PRDM2: variants seen among roughly 807,000 people sequenced by gnomAD.
The protein encoded by PRDM2 is PR/SET domain 2, also known as PR domain zinc finger protein 2.
Under a neutral mutation model 130.0 loss-of-function variants are expected in PRDM2, and 30 were observed. The ratio of observed to expected loss-of-function variants is 0.23; its 90% confidence interval spans 0.17 to 0.31. The LOEUF (loss-of-function observed/expected upper bound fraction) is 0.31. Ranked by LOEUF, PRDM2 falls within the 10% of genes least tolerant of loss-of-function variation. The probability of loss-of-function intolerance (pLI) is 1.00; values close to 1 mark genes in which losing one functional copy is unlikely to be tolerated. For synonymous variants in PRDM2, 871 were observed against 782.4 expected, an observed-to-expected ratio of 1.11 and a Z score of -1.89; for missense variants, 2,011 against 2,108.4, an observed-to-expected ratio of 0.95 and a Z score of 0.90.
chr1:13,732,736 A>G (rs1483607238), intron 3 of PRDM2, 43 bp from the exon 4 acceptor site: 1 of 1,378,100 alleles, frequency 7.3e-7, no homozygotes, highest in Non-Finnish European at 1.0e-6. Flanking sequence ...CAATCTTTAA[A>G]ATAACCATGA....
At chr1:13,755,110 G>A (rs1473499284) in intron 6 of PRDM2, among the ~76,000 whole-genome samples, 1 of 152,144 alleles carries the variant, frequency 6.6e-6, no homozygotes, top group East Asian at 1.9e-4. Flanking sequence ...TTCAACAGTA[G>A]GAGTTCGGGA....
intron 9 of PRDM2, among the ~76,000 whole-genome samples, chr1:13,818,927 G>C (rs1388138329): frequency 6.6e-6 from 1 of 152,082 alleles, no homozygotes. Context: ...GAGCTGGGAG[G>C]CCCTGGGAGA....
At chr1:13,703,919 C>T (rs771992662) in intron 1 of PRDM2, among the ~76,000 whole-genome samples, 1 of 152,180 alleles carries the variant, frequency 6.6e-6, no homozygotes, top group Non-Finnish European at 1.5e-5. Flanking sequence ...ATAAGGCTTA[C>T]TTTTGAAGTG....
intron 2 of PRDM2, among the ~76,000 whole-genome samples, chr1:13,730,539 G>A (rs916511227): frequency 5.9e-5 from 9 of 152,224 alleles, no homozygotes; most frequent in African/African-American, 2.2e-4. Flanking sequence ...AGGGCAACAT[G>A]GATGGGGCAG....
At chr1:13,809,697 C>T (rs532427893) in intron 8 of PRDM2, among the ~76,000 whole-genome samples, 9 of 152,182 alleles carry the variant, frequency 5.9e-5, no homozygotes, top group Non-Finnish European at 8.8e-5. Context: ...ACGGATGCAT[C>T]GCCTAGGGAG....
intron 8 of PRDM2, among the ~76,000 whole-genome samples, chr1:13,805,580 A>G (rs1161338183): frequency 2.0e-5 from 3 of 152,162 alleles, no homozygotes; most frequent in Non-Finnish European, 4.4e-5. Context: ...TATCAGCATC[A>G]TCACAGGCTT....
intron 6 of PRDM2, among the ~76,000 whole-genome samples, chr1:13,755,415 C>T (rs944998613): frequency 5.9e-5 from 9 of 152,068 alleles, no homozygotes; most frequent in Non-Finnish European, 1.2e-4. Context: ...TTTTGGTTCT[C>T]TTGTCCATAT....
chr1:13,742,104 C>G lies in PRDM2; in HGVS notation c.331C>G (p.Gln111Glu). ...YVNWACSGEE[Q>E]NLFPLEINRA... is the part of the protein sequence containing the mutation. ...GAATTGGGCTTGCTCAGGAGAAGAG[C>G]AAAATTTATTCCCACTGGAAATCAA... The change falls in exon 5 of 10, where the codon CAA becomes GAA. Residue 111 changes from glutamine to glutamate, a missense_variant. By Grantham distance (29) the Gln-to-Glu change is conservative. Transcript: ENST00000311066. The G allele has an allele frequency of 6.2e-7, 1 of 1,613,858 alleles. No individual in the cohort carries two copies. The highest frequency in any genetic ancestry group is 1.7e-5 in the Admixed American group (1 of 60,018).
Position 13,823,622 on chromosome 1 carries a change from T to G in PRDM2, c.*487T>G. 1 of 160,976 alleles carries G rather than the reference T, an allele frequency of 6.2e-6. No homozygotes were observed. The allele number at this position is 160,976 out of a possible 1,614,324, so 10.0% of individuals were successfully genotyped here. On this transcript the variant is annotated 3_prime_UTR_variant, in exon 10 of 10. Transcript: ENST00000311066. ...TCAGTACCACCCCTCTCTCCCCACC[T>G]TCCCTCTCCCGGCAACATCTCTGGG...
Position 13,749,498 on chromosome 1 carries a change from C to A in PRDM2, c.511+11C>A. On this transcript the variant is annotated intron_variant, in intron 6 of 9. Transcript: ENST00000311066. ...CCAAGAGCCGGAAAGGTAGGAGCCC[C>A]CCGGCCCGCCCGCCCGGCCCCGGCG... 1 of 1,352,514 alleles carries A rather than the reference C, an allele frequency of 7.4e-7. No individual in the cohort carries two copies. Among genetic ancestry groups the A allele is most frequent in the Non-Finnish European group, 9.7e-7 (1 of 1,028,646 alleles). 83.8% of individuals were successfully genotyped at this position (1,352,514 alleles called of 1,614,324 possible).
At chr1:13,762,972 G>T (rs1644137127) in intron 6 of PRDM2, among the ~76,000 whole-genome samples, 1 of 152,202 alleles carries the variant, frequency 6.6e-6, no homozygotes. Context: ...AACCTGTGCT[G>T]GAATAAAAGT....
intron 6 of PRDM2, among the ~76,000 whole-genome samples, chr1:13,768,074 GTTTT>G (rs774757778): frequency 2.5e-5 from 3 of 117,740 alleles, no homozygotes; most frequent in South Asian, 3.0e-4. Flanking sequence ...TTGTCCTTGA[GTTTT>G]TTTTTTTTTT....
intron 1 of PRDM2, among the ~76,000 whole-genome samples, chr1:13,713,635 G>A (rs537701995): frequency 4.7e-4 from 71 of 152,188 alleles, no homozygotes; most frequent in Non-Finnish European, 7.8e-4. Context: ...TACCGCAGAT[G>A]TTTTTTGTTC....
intron 7 of PRDM2, among the ~76,000 whole-genome samples, chr1:13,775,243 A>G (rs1644449945): frequency 6.6e-6 from 1 of 152,228 alleles, no homozygotes; most frequent in Non-Finnish European, 1.5e-5. Flanking sequence ...TACTTTGGAC[A>G]GTTTTATATC....
intron 6 of PRDM2, chr1:13,769,284 G>GT (rs1644303622): frequency 5.2e-6 from 3 of 575,150 alleles, no homozygotes; most frequent in Admixed American, 6.4e-5. Flanking sequence ...TATGGGTTTG[G>GT]TTTTTTCTTT....
At chr1:13,763,806 C>T (rs1644160517) in intron 6 of PRDM2, among the ~76,000 whole-genome samples, 1 of 152,106 alleles carries the variant, frequency 6.6e-6, no homozygotes, top group South Asian at 2.1e-4. Flanking sequence ...ATATCATACC[C>T]TTATCAATAC....
intron 8 of PRDM2, among the ~76,000 whole-genome samples, chr1:13,804,137 G>A (rs911764898): frequency 3.9e-5 from 6 of 152,148 alleles, no homozygotes; most frequent in African/African-American, 1.4e-4. Context: ...CAGCCCATCT[G>A]CTGGGACTAA....
intron 8 of PRDM2, among the ~76,000 whole-genome samples, chr1:13,795,255 G>A (rs867646676): frequency 1.2e-4 from 19 of 152,130 alleles, no homozygotes; most frequent in Admixed American, 1.1e-3. Context: ...TGCTGGCCAC[G>A]ATGTAAATAA....
intron 8 of PRDM2, among the ~76,000 whole-genome samples, chr1:13,812,941 C>T (rs924312551): frequency 3.3e-5 from 5 of 152,102 alleles, no homozygotes; most frequent in African/African-American, 4.8e-5. Context: ...GCTCCGAGGC[C>T]GAGCGACAGG....
Sources: gnomAD v4.1 joint callset for allele counts (sites outside exome capture counted in the v4.1 genomes callset) on GRCh38, gnomAD v4.1.1 for gene constraint, MANE v1.5 for transcripts, NCBI Gene and HGNC (gene_info 2026-07-23, HGNC 2026-07-21) for gene names.